The following PEBP4 variants were observed in gnomAD, a reference collection of about 807,000 sequenced individuals.
PEBP4 encodes the protein phosphatidylethanolamine binding protein 4.
PEBP4 carries 22 observed loss-of-function variants against 23.9 expected under a neutral mutation model. That is an observed-to-expected ratio of 0.92 (90% CI 0.66 to 1.31). The LOEUF (loss-of-function observed/expected upper bound fraction) is 1.31, where lower values mean the gene tolerates loss of function less well. Among genes scored for constraint, PEBP4 ranks in the 40% most tolerant of loss-of-function variants. The pLI, the probability that PEBP4 is intolerant of heterozygous loss-of-function variation, is 0.00. For missense variants in PEBP4, 324 were observed against 281.7 expected (o/e 1.15, Z -1.07); for synonymous variants, 112 against 99.3 (o/e 1.13, Z -0.76).
At chr8:22,802,721 C>T (rs529214433) in intron 4 of PEBP4, among the ~76,000 whole-genome samples, 2 of 152,198 alleles carry the variant, frequency 1.3e-5, no homozygotes, top group Non-Finnish European at 2.9e-5. Flanking sequence ...GGAGAGCAAG[C>T]GCGCAGGGAA....
intron 2 of PEBP4, 78 bp downstream of exon 2, chr8:22,927,506 T>C (rs1423733539): frequency 6.6e-7 from 1 of 1,510,040 alleles, no homozygotes; most frequent in East Asian, 2.4e-5. Flanking sequence ...TGCTTCTTGG[T>C]TCTGGATATA....
intron 3 of PEBP4, among the ~76,000 whole-genome samples, chr8:22,835,524 A>C (rs1807185033): frequency 6.6e-6 from 1 of 152,200 alleles, no homozygotes; most frequent in Non-Finnish European, 1.5e-5. Flanking sequence ...GGTCCTGTCC[A>C]TGTCCCCAGG....
intron 4 of PEBP4, among the ~76,000 whole-genome samples, chr8:22,811,351 G>A (rs116995886): frequency 6.6e-6 from 1 of 152,044 alleles, no homozygotes; most frequent in South Asian, 2.1e-4. Context: ...ATTTCACATC[G>A]CAAATTACCA....
At chr8:22,840,100 C>A (rs753700051) in intron 3 of PEBP4, among the ~76,000 whole-genome samples, 1 of 152,184 alleles carries the variant, frequency 6.6e-6, no homozygotes, top group Non-Finnish European at 1.5e-5. Flanking sequence ...CCATACCCAT[C>A]AGAAGATTTT....
chr8:22,876,199 C>T (rs1300404782), intron 3 of PEBP4, among the ~76,000 whole-genome samples: 1 of 152,174 alleles, frequency 6.6e-6, no homozygotes, highest in African/African-American at 2.4e-5. Context: ...GTGTGAGCCA[C>T]TGGGCCTGGC....
chr8:22,926,310 T>C (rs1272738077), intron 2 of PEBP4, among the ~76,000 whole-genome samples: 1 of 152,022 alleles, frequency 6.6e-6, no homozygotes, highest in Non-Finnish European at 1.5e-5. Flanking sequence ...TTTTTCAAAA[T>C]ATACTGACAC....
intron 4 of PEBP4, among the ~76,000 whole-genome samples, chr8:22,763,596 C>T (rs916400284): frequency 1.5e-4 from 23 of 152,106 alleles, no homozygotes; most frequent in African/African-American, 4.8e-4. Flanking sequence ...GGGAACAATG[C>T]GAGTGTCTGC....
chr8:22,929,437 G>T (rs985154969), upstream of PEBP4, among the ~76,000 whole-genome samples: 1 of 152,168 alleles, frequency 6.6e-6, no homozygotes, highest in African/African-American at 2.4e-5. Context: ...CAGTGATGGC[G>T]GCCTGGAAGA....
intron 3 of PEBP4, chr8:22,885,870 G>A (rs1808362197): frequency 6.6e-6 from 1 of 152,144 alleles, no homozygotes; most frequent in African/African-American, 2.4e-5. Flanking sequence ...AACTGCTTTC[G>A]TACCAGCTTA....
At chr8:22,797,005 C>T (rs1806274576) in intron 4 of PEBP4, among the ~76,000 whole-genome samples, 1 of 150,804 alleles carries the variant, frequency 6.6e-6, no homozygotes, top group African/African-American at 2.4e-5. Flanking sequence ...CCTATAATCC[C>T]AGCACTTTGG....
chr8:22,723,191 C>A (rs183893031), intron 6 of PEBP4, among the ~76,000 whole-genome samples: 1 of 152,076 alleles, frequency 6.6e-6, no homozygotes, highest in African/African-American at 2.4e-5. Context: ...CCAAACAACG[C>A]GTTTCAGGCC....
Position 22,865,591 on chromosome 8 carries a change from G to C in PEBP4, c.259-47856C>G, listed in dbSNP as rs1395320366. ...GCCGGGGAAGGAATTCCCTCCGCCC[G>C]GGCGCACGCGGCCCCCCGCCCCCGC... On this transcript the variant is annotated intron_variant, in intron 3 of 6. Transcript: ENST00000256404. The surrounding 1 kb of genome is among the most constrained non-coding windows in gnomAD (Gnocchi z 6.9). Among the ~76,000 whole-genome samples, 1 of 152,210 alleles carries C rather than the reference G, an allele frequency of 6.6e-6. No individual in the cohort carries two copies. The highest frequency in any genetic ancestry group is 1.5e-5 in the Non-Finnish European group (1 of 68,024).
chr8:22,817,719 A>T lies in PEBP4; in HGVS notation c.275T>A (p.Leu92Gln). 1 of 1,614,202 alleles carries T rather than the reference A, an allele frequency of 6.2e-7. No individual in the cohort carries two copies. Among genetic ancestry groups the T allele is most frequent in the Non-Finnish European group, 8.5e-7 (1 of 1,180,018 alleles). The change falls in exon 4 of 7, where the codon CTG becomes CAG. Residue 92 changes from leucine to glutamine, a missense_variant. Leu to Gln is a moderately radical substitution (Grantham distance 113). Coordinates refer to ENST00000256404, the MANE Select transcript of PEBP4 (RefSeq NM_144962.3). ...PGAVDGATYI[L>Q]VMVDPDAPSR... ...AGGGGCATCTGGATCCACCATCACC[A>T]GGATATAGGTTGCGCCCTGTAACAC...
chr8:22,837,560 T>C (rs1807229862), intron 3 of PEBP4, among the ~76,000 whole-genome samples: 1 of 152,214 alleles, frequency 6.6e-6, no homozygotes, highest in Non-Finnish European at 1.5e-5. Flanking sequence ...CCTCTAGCTG[T>C]CAGTTAGCCT....
rs568169809 is a variant in PEBP4 at position 22,852,796 on chromosome 8, T to TA, written c.259-35062dup. ...TACCAGGTCCTGAGCAATTAACAAT[T>TA]AAAAAAAAAAGACTAAAAGATGATG... On this transcript the variant is annotated intron_variant, in intron 3 of 6. Coordinates refer to ENST00000256404, the MANE Select transcript of PEBP4 (RefSeq NM_144962.3). Among the ~76,000 whole-genome samples the TA allele has an allele frequency of 5.0e-3, 738 of 148,888 alleles. 5 individuals carry two copies. Among genetic ancestry groups the TA allele is most frequent in the Middle Eastern group, 0.024 (7 of 288 alleles).
intron 3 of PEBP4, among the ~76,000 whole-genome samples, chr8:22,904,869 CA>C (rs1808781013): frequency 6.6e-6 from 1 of 152,128 alleles, no homozygotes; most frequent in Admixed American, 6.5e-5. Context: ...TTTATTTAAC[CA>C]ATCTATTGTT....
At chr8:22,801,064 C>T (rs952188680) in intron 4 of PEBP4, among the ~76,000 whole-genome samples, 3 of 152,104 alleles carry the variant, frequency 2.0e-5, no homozygotes, top group Admixed American at 2.0e-4. Context: ...TTCTACACTG[C>T]CCCCAGGACC....
chr8:22,723,900 G>A (rs925087196), intron 6 of PEBP4, among the ~76,000 whole-genome samples: 3 of 152,170 alleles, frequency 2.0e-5, no homozygotes, highest in Admixed American at 6.5e-5. Context: ...CCGGCATCGC[G>A]GTTGTAGCAA....
intron 4 of PEBP4, among the ~76,000 whole-genome samples, chr8:22,780,241 G>A (rs1246247309): frequency 6.6e-6 from 1 of 152,168 alleles, no homozygotes; most frequent in Non-Finnish European, 1.5e-5. Context: ...TGGAATGATA[G>A]GTGTGAACCA....
Sources: allele counts gnomAD v4.1 joint callset (sites outside exome capture counted in the v4.1 genomes callset), GRCh38; gene constraint gnomAD v4.1.1; non-coding constraint Gnocchi (gnomAD v3.1); transcripts MANE v1.5; gene names NCBI Gene and HGNC (gene_info 2026-07-23, HGNC 2026-07-21).